The following FBXO34 variants were observed in gnomAD, a reference collection of about 807,000 sequenced individuals.
FBXO34 encodes F-box protein 34.
A neutral mutation model predicts 24.5 loss-of-function variants in FBXO34; 12 were observed. The observed-to-expected ratio is 0.49, with a 90% CI of 0.31 to 0.79. FBXO34 has a LOEUF of 0.79. FBXO34 is among the 30% of genes least tolerant of loss of function. The pLI is 0.04. For synonymous variants in FBXO34, 320 were observed against 311.9 expected (o/e 1.03, Z -0.27); for missense variants, 823 against 857.7 (o/e 0.96, Z 0.51).
intron 3 of FBXO34, among the ~76,000 whole-genome samples, chr14:55,360,938 C>T (rs949257983): frequency 1.3e-5 from 2 of 151,476 alleles, no homozygotes; most frequent in South Asian, 2.1e-4. Flanking sequence ...GTGGAGGTTG[C>T]GGTGAGCCGA....
At chr14:55,361,579 C>T (rs1884595891) in intron 3 of FBXO34, among the ~76,000 whole-genome samples, 1 of 152,164 alleles carries the variant, frequency 6.6e-6, no homozygotes, top group Admixed American at 6.6e-5. Flanking sequence ...TGGCTTCTCT[C>T]TAAGTTGTGA....
chr14:55,411,035 C>T, the FBXO34 span, among the ~76,000 whole-genome samples: 1 of 152,160 alleles, frequency 6.6e-6, no homozygotes, highest in Non-Finnish European at 1.5e-5. Flanking sequence ...TTCCCAAATT[C>T]CTAAGAATCT....
At chr14:55,434,799 A>T in the FBXO34 span, among the ~76,000 whole-genome samples, 1 of 152,214 alleles carries the variant, frequency 6.6e-6, no homozygotes, top group African/African-American at 2.4e-5. Flanking sequence ...CAGCAAAAAC[A>T]AATAATAGTT....
intron 1 of FBXO34, among the ~76,000 whole-genome samples, chr14:55,338,804 G>T (rs934391196): frequency 2.0e-5 from 3 of 151,972 alleles, no homozygotes; most frequent in African/African-American, 7.3e-5. Flanking sequence ...TACTCGGGAG[G>T]CTGAGGCAGG....
At chr14:55,321,634 T>C (rs1883137240) in intron 1 of FBXO34, among the ~76,000 whole-genome samples, 1 of 152,194 alleles carries the variant, frequency 6.6e-6, no homozygotes, top group Non-Finnish European at 1.5e-5. Flanking sequence ...TGACATCAAA[T>C]GATCTGCCCG....
chr14:55,351,884 T>C lies in FBXO34; in HGVS notation c.1494T>C (p.Asn498=). Residue 498 remains asparagine, a synonymous_variant, in exon 2 of 2, where the codon AAT becomes AAC. Coordinates refer to ENST00000313833, the MANE Select transcript of FBXO34 (RefSeq NM_017943.4). ...ACTTGTCAGACTATTCCCAGTTGAATGAAAGCACAACAAAAGAGTCTTCAG... is the reference window on the plus strand; with the variant it reads ...ACTTGTCAGACTATTCCCAGTTGAACGAAAGCACAACAAAAGAGTCTTCAG... ...GQHLSDYSQL[N]ESTTKESSEA... The C allele has an allele frequency of 1.2e-6, 2 of 1,614,162 alleles. No individual in the cohort carries two copies. Among genetic ancestry groups the C allele is most frequent in the Middle Eastern group, 1.6e-4 (1 of 6,062 alleles).
In FBXO34 at chr14:55,351,529, T is replaced by G; in HGVS notation, c.1139T>G (p.Val380Gly). The G allele has an allele frequency of 1.2e-6, 2 of 1,613,728 alleles. No homozygotes were observed. Among genetic ancestry groups the G allele is most frequent in the Non-Finnish European group, 1.7e-6 (2 of 1,179,948 alleles). ...SQDCPPLPAG[V>G]SFHIDSAELE... is the part of the protein sequence containing the mutation. The stretch of plus-strand genomic sequence containing the variant: ...GACTGCCCCCCATTGCCAGCAGGAG[T>G]GAGTTTCCACATAGACAGTGCAGAG... The change falls in exon 2 of 2, where the codon GTG (valine) becomes GGG (glycine). Residue 380 changes from valine to glycine, a missense_variant. Val to Gly is a moderately radical substitution (Grantham distance 109). Around this residue, in one of 2 missense-constraint regions of FBXO34, gnomAD observed 693 missense variants for 659.1 expected, o/e 1.05. Transcript: ENST00000313833.
chr14:55,308,380 G>C (rs2139735314), intron 1 of FBXO34, among the ~76,000 whole-genome samples: 1 of 152,296 alleles, frequency 6.6e-6, no homozygotes, highest in East Asian at 1.9e-4. Context: ...AGTACACTAA[G>C]GAAAAAGAAT....
chr14:55,374,968 T>C (rs960272982), downstream of FBXO34, among the ~76,000 whole-genome samples: 5 of 152,222 alleles, frequency 3.3e-5, no homozygotes, highest in Non-Finnish European at 5.9e-5. Context: ...TTGCAGACTA[T>C]ACTTCTAGTT....
downstream of FBXO34, chr14:55,369,421 T>A: frequency 8.6e-6 from 4 of 464,520 alleles, no homozygotes; most frequent in Non-Finnish European, 1.1e-5. Context: ...CTCTTAATTA[T>A]CATAAGCATG....
intron 1 of FBXO34, among the ~76,000 whole-genome samples, chr14:55,297,816 C>T (rs1012772889): frequency 2.0e-5 from 3 of 152,070 alleles, no homozygotes; most frequent in Admixed American, 6.5e-5. Context: ...GCCAAAAAAC[C>T]GGGAATGAAA....
At chr14:55,370,876 A>G (rs1453782512), downstream of FBXO34, among the ~76,000 whole-genome samples, 5 of 152,058 alleles carry the variant, frequency 3.3e-5, no homozygotes, top group African/African-American at 7.2e-5. Context: ...CCTGACCTCA[A>G]GTGATCCACC....
chr14:55,382,297 A>G, the FBXO34 span: 51 of 904,520 alleles, frequency 5.6e-5, no homozygotes, highest in East Asian at 1.3e-3. Flanking sequence ...CTATGAGCAC[A>G]GAAATTTTAC....
At chr14:55,399,267 TA>T in the FBXO34 span, among the ~76,000 whole-genome samples, 1 of 152,366 alleles carries the variant, frequency 6.6e-6, no homozygotes, top group East Asian at 1.9e-4. Flanking sequence ...TATTTAAATT[TA>T]AATTAATTAA....
chr14:55,316,829 C>T (rs928943649), intron 1 of FBXO34, among the ~76,000 whole-genome samples: 5 of 152,120 alleles, frequency 3.3e-5, no homozygotes, highest in East Asian at 1.9e-4. Flanking sequence ...CCAAGTCACA[C>T]GCCTATAAAG....
At chr14:55,328,161 G>A (rs2140040253) in intron 1 of FBXO34, among the ~76,000 whole-genome samples, 1 of 152,062 alleles carries the variant, frequency 6.6e-6, no homozygotes, top group East Asian at 1.9e-4. Context: ...GTTTTGCCAT[G>A]TTGGCCAGGC....
chr14:55,324,733 A>G (rs1413745089), intron 1 of FBXO34, among the ~76,000 whole-genome samples: 1 of 152,176 alleles, frequency 6.6e-6, no homozygotes, highest in Non-Finnish European at 1.5e-5. Context: ...CCTTTTATTA[A>G]AGGAAAAGAA....
chr14:55,343,449 T>G (rs1884057723), intron 1 of FBXO34, among the ~76,000 whole-genome samples: 1 of 151,960 alleles, frequency 6.6e-6, no homozygotes, highest in South Asian at 2.1e-4. Flanking sequence ...TGGTGTTTCA[T>G]CATGTTGGCC....
chr14:55,391,988 C>G, the FBXO34 span, among the ~76,000 whole-genome samples: 4 of 152,148 alleles, frequency 2.6e-5, no homozygotes, highest in Admixed American at 1.3e-4. Flanking sequence ...TTCAGCACCC[C>G]CTAAAGCAGT....
Sources: gnomAD v4.1 joint callset for allele counts (sites outside exome capture counted in the v4.1 genomes callset) on GRCh38, gnomAD v4.1.1 for gene constraint, gnomAD v4.1.1 regional missense constraint, MANE v1.5 for transcripts, NCBI Gene and HGNC (gene_info 2026-07-23, HGNC 2026-07-21) for gene names.